ATXN1: variants seen among roughly 807,000 people sequenced by gnomAD.
ATXN1 encodes the protein ataxin 1, also known as ataxin-1.
Under a neutral mutation model 56.4 loss-of-function variants are expected in ATXN1, and 8 were observed. The observed-to-expected ratio is 0.14, with a 90% CI of 0.08 to 0.26. The LOEUF is 0.26. Ranked by LOEUF, ATXN1 falls within the 10% of genes least tolerant of loss-of-function variation. The pLI, the probability that ATXN1 is intolerant of heterozygous loss-of-function variation, is 1.00. For missense variants in ATXN1, 987 were observed against 1,106.5 expected (o/e 0.89, Z 1.53); for synonymous variants, 514 against 494.6 (o/e 1.04, Z -0.52).
At chr6:16,591,680 C>A (rs879601331) in intron 3 of ATXN1, among the ~76,000 whole-genome samples, 1 of 152,100 alleles carries the variant, frequency 6.6e-6, no homozygotes, top group Non-Finnish European at 1.5e-5. Context: ...AGACTATGAG[C>A]TCCTTAGGGG....
At chr6:16,394,294 G>A (rs1373801702) in intron 6 of ATXN1, among the ~76,000 whole-genome samples, 2 of 152,052 alleles carry the variant, frequency 1.3e-5, no homozygotes, top group Non-Finnish European at 2.9e-5. Context: ...TCAATCTTTT[G>A]TTCTCCACCG....
intron 5 of ATXN1, among the ~76,000 whole-genome samples, chr6:16,492,590 A>C (rs1760691714): frequency 4.0e-5 from 6 of 148,686 alleles, no homozygotes; most frequent in Admixed American, 1.3e-4. Flanking sequence ...CTTTGAGTTT[A>C]ATTTGTCTAT....
Position 16,440,329 on chromosome 6 carries a change from A to C in ATXN1, c.-161+45643T>G, listed in dbSNP as rs999709638. On this transcript the variant is annotated intron_variant, in intron 6 of 7. Coordinates refer to ENST00000436367, the MANE Select transcript of ATXN1 (RefSeq NM_001128164.2). ...AGAGCTAAAAGAAAATGAGGAAGTAAGAAGAGATAAAGGAACACTAATCCC... is the reference window on the plus strand; with the variant it reads ...AGAGCTAAAAGAAAATGAGGAAGTACGAAGAGATAAAGGAACACTAATCCC... Among the ~76,000 whole-genome samples the C allele has an allele frequency of 2.6e-5, 4 of 152,140 alleles. No individual in the cohort carries two copies. The South Asian group carries it at 6.2e-4, about 24-fold the overall frequency.
chr6:16,478,754 A>C (rs1167422736), intron 6 of ATXN1, among the ~76,000 whole-genome samples: 2 of 152,192 alleles, frequency 1.3e-5, no homozygotes, highest in African/African-American at 4.8e-5. Flanking sequence ...GCAAGCCACA[A>C]AGGCTTGGGA....
At chr6:16,727,506 CTT>C (rs1205561664) in intron 2 of ATXN1, among the ~76,000 whole-genome samples, 1 of 152,022 alleles carries the variant, frequency 6.6e-6, no homozygotes, top group Non-Finnish European at 1.5e-5. Flanking sequence ...TTTTAACTCT[CTT>C]AAGTACTTAT....
At chr6:16,488,019 G>T (rs1019391528) in intron 5 of ATXN1, among the ~76,000 whole-genome samples, 9 of 152,108 alleles carry the variant, frequency 5.9e-5, no homozygotes, top group African/African-American at 1.9e-4. Context: ...AAAGAAATGA[G>T]TGACACAACT....
chr6:16,444,709 T>G, intron 6 of ATXN1, among the ~76,000 whole-genome samples: 1 of 152,180 alleles, frequency 6.6e-6, no homozygotes, highest in East Asian at 1.9e-4. Flanking sequence ...TAATTCCTGC[T>G]AACAAATGAA....
intron 4 of ATXN1, among the ~76,000 whole-genome samples, chr6:16,555,871 A>C (rs1762004075): frequency 6.6e-6 from 1 of 152,190 alleles, no homozygotes; most frequent in Admixed American, 6.5e-5. Context: ...TTTGTTTTCC[A>C]GTTCTGCTAA....
chr6:16,551,497 T>C (rs530883421), intron 4 of ATXN1, among the ~76,000 whole-genome samples: 27 of 152,180 alleles, frequency 1.8e-4, no homozygotes, highest in African/African-American at 6.5e-4. Flanking sequence ...TGGAGGTGTA[T>C]GTGTGTGGGG....
intron 6 of ATXN1, among the ~76,000 whole-genome samples, chr6:16,396,272 CTT>C (rs111829323): frequency 6.6e-6 from 1 of 151,052 alleles, no homozygotes. Flanking sequence ...AAAAAAAAAA[CTT>C]TTTTTAATAA....
chr6:16,433,422 T>C (rs1298787935), intron 6 of ATXN1, among the ~76,000 whole-genome samples: 1 of 152,284 alleles, frequency 6.6e-6, no homozygotes, highest in Non-Finnish European at 1.5e-5. Flanking sequence ...AGTTGTTGGC[T>C]TTAAGGAGGA....
At chr6:16,576,159 G>A (rs759879275) in intron 4 of ATXN1, among the ~76,000 whole-genome samples, 44 of 151,224 alleles carry the variant, frequency 2.9e-4, no homozygotes, top group South Asian at 6.3e-4. Context: ...CAATTTCATC[G>A]TTTTTATTCC....
chr6:16,363,850 T>C (rs1335581745), intron 6 of ATXN1, among the ~76,000 whole-genome samples: 1 of 152,172 alleles, frequency 6.6e-6, no homozygotes, highest in Non-Finnish European at 1.5e-5. Context: ...TCTGCTGAGA[T>C]GGGGCCAGAG....
At chr6:16,342,212 A>T (rs1410542197) in intron 6 of ATXN1, among the ~76,000 whole-genome samples, 1 of 152,004 alleles carries the variant, frequency 6.6e-6, no homozygotes, top group Non-Finnish European at 1.5e-5. Flanking sequence ...ACAGCAGCCA[A>T]TCCTTTTCCC....
chr6:16,618,990 C>T (rs1373340126), intron 3 of ATXN1, among the ~76,000 whole-genome samples: 2 of 151,676 alleles, frequency 1.3e-5, no homozygotes, highest in African/African-American at 2.4e-5. Flanking sequence ...ACACGAATGG[C>T]CAATTTAAAA....
At chr6:16,427,521 G>A (rs115022568) in intron 6 of ATXN1, among the ~76,000 whole-genome samples, 3,374 of 152,270 alleles carry the variant, frequency 0.022, 53 homozygotes, top group Non-Finnish European at 0.036. Flanking sequence ...ACACACACAC[G>A]ATACAATGAC....
intron 4 of ATXN1, among the ~76,000 whole-genome samples, chr6:16,541,701 C>T (rs749790411): frequency 7.9e-5 from 12 of 152,132 alleles, no homozygotes; most frequent in Non-Finnish European, 1.3e-4. Flanking sequence ...ATCCTGACAC[C>T]GCCAAATCAG....
chr6:16,395,873 G>T (rs1361736243), intron 6 of ATXN1, among the ~76,000 whole-genome samples: 1 of 151,946 alleles, frequency 6.6e-6, no homozygotes, highest in African/African-American at 2.4e-5. Context: ...AAATTAGCTG[G>T]GCATAGTGGC....
At chr6:16,611,849 A>ATTTTTTTTT (rs369870821) in intron 3 of ATXN1, among the ~76,000 whole-genome samples, 13 of 75,178 alleles carry the variant, frequency 1.7e-4, no homozygotes, top group South Asian at 6.7e-4. Context: ...AGCAGATGAA[A>ATTTTTTTTT]TTTTTTTTTT....
Sources: allele counts gnomAD v4.1 joint callset (sites outside exome capture counted in the v4.1 genomes callset), GRCh38; gene constraint gnomAD v4.1.1; transcripts MANE v1.5; gene names NCBI Gene and HGNC (gene_info 2026-07-23, HGNC 2026-07-21).